The following CBR4 variants were observed in gnomAD, a reference collection of about 807,000 sequenced individuals.
The protein encoded by CBR4 is carbonyl reductase 4, also known as 3-oxoacyl-[acyl-carrier-protein] reductase.
In CBR4, 22 loss-of-function variants were observed where a neutral mutation model predicts 21.0. The observed-to-expected ratio is 1.05, with a 90% CI of 0.75 to 1.50. The LOEUF is 1.50. Among genes scored for constraint, CBR4 ranks in the 40% most tolerant of loss-of-function variants. CBR4 has a pLI of 0.00. For missense variants in CBR4, 302 were observed against 286.3 expected, an observed-to-expected ratio of 1.05 and a Z score of -0.40; for synonymous variants, 100 against 104.4, an observed-to-expected ratio of 0.96 and a Z score of 0.26.
Position 168,976,003 on chromosome 4 carries a change from A to G in CBR4, n.169+26068T>C, listed in dbSNP as rs116886604. ...CAAGCTGGGCTGAGATCTTGCCACA[A>G]GCTACAAGCCTTCCTGCTGAGAAAG... On this transcript the variant is annotated intron_variant and non_coding_transcript_variant, in intron 2 of 3. Coordinates refer to the CBR4 transcript ENST00000509108. Among the ~76,000 whole-genome samples, 18 of 152,282 alleles carry G rather than the reference A, an allele frequency of 1.2e-4. No individual in the cohort carries two copies. The East Asian group carries it at 2.9e-3, about 25-fold the overall frequency.
intron 2 of CBR4, among the ~76,000 whole-genome samples, chr4:168,968,952 A>G (rs1387676006): frequency 6.6e-6 from 1 of 152,198 alleles, no homozygotes; most frequent in Non-Finnish European, 1.5e-5. Flanking sequence ...AGGAAGTGGG[A>G]AAATGACCAC....
chr4:168,976,919 G>A (rs546734275), intron 2 of CBR4, among the ~76,000 whole-genome samples: 14 of 152,348 alleles, frequency 9.2e-5, no homozygotes, highest in Admixed American at 7.8e-4. Flanking sequence ...CAGGGGATAT[G>A]ATGGCTTAGC....
intron 2 of CBR4, chr4:168,896,590 T>A: frequency 6.6e-7 from 1 of 1,512,670 alleles, no homozygotes; most frequent in Non-Finnish European, 8.9e-7. Context: ...GTCCTCTGGA[T>A]GGTCAAAAGG....
In CBR4 at chr4:168,979,440, C is replaced by G. The variant is rs112185738; in HGVS notation, n.169+22631G>C. ...TGTCCATGTGCTACTCCTTACTACA[C>G]AGGGCCTCCTGGACTGGGCCCCCAG... On this transcript the variant is annotated intron_variant and non_coding_transcript_variant, in intron 2 of 3. Transcript: ENST00000509108. 9.7e-4 allele frequency among the ~76,000 whole-genome samples: 147 copies of G among 152,222 alleles called. 1 individual carries two copies. The highest frequency in any genetic ancestry group is 3.4e-3 in the African/African-American group (142 of 41,536).
At chr4:168,983,709 C>G (rs1384693495), downstream of CBR4, among the ~76,000 whole-genome samples, 1 of 152,020 alleles carries the variant, frequency 6.6e-6, no homozygotes, top group Non-Finnish European at 1.5e-5. Context: ...AGCTAATCCA[C>G]CATGATCAAG....
At chr4:168,984,664 C>A (rs753670803), downstream of CBR4, among the ~76,000 whole-genome samples, 2 of 152,130 alleles carry the variant, frequency 1.3e-5, no homozygotes, top group African/African-American at 2.4e-5. Flanking sequence ...TCAAAATATA[C>A]TAAAAGGCTA....
intron 2 of CBR4, among the ~76,000 whole-genome samples, chr4:168,906,514 G>A (rs1757828480): frequency 6.6e-6 from 1 of 152,110 alleles, no homozygotes; most frequent in South Asian, 2.1e-4. Context: ...CTAGATGAAG[G>A]TGAGCTGCTG....
At chr4:168,931,105 A>G (rs1376035964) in intron 2 of CBR4, among the ~76,000 whole-genome samples, 3 of 152,146 alleles carry the variant, frequency 2.0e-5, no homozygotes, top group Non-Finnish European at 4.4e-5. Flanking sequence ...ACAGCAGGAA[A>G]ACCAACCATC....
At chr4:168,921,527 G>T in intron 2 of CBR4, 1 of 1,567,596 alleles carries the variant, frequency 6.4e-7, no homozygotes, top group East Asian at 2.3e-5. Context: ...TTTCTTTTAT[G>T]ATTTAGGTCA....
intron 2 of CBR4, among the ~76,000 whole-genome samples, chr4:168,952,840 T>G (rs1024983815): frequency 1.3e-5 from 2 of 152,166 alleles, no homozygotes; most frequent in African/African-American, 4.8e-5. Flanking sequence ...AAATGGATTC[T>G]GTGAGGATTC....
chr4:168,898,424 G>A (rs958268984), intron 2 of CBR4: 9 of 958,356 alleles, frequency 9.4e-6, no homozygotes, highest in Non-Finnish European at 1.5e-5. Context: ...CCTTATTGGG[G>A]GGCAGGGAGA....
intron 2 of CBR4, among the ~76,000 whole-genome samples, chr4:168,920,880 A>G (rs997742958): frequency 4.6e-5 from 7 of 152,130 alleles, no homozygotes; most frequent in African/African-American, 1.7e-4. Flanking sequence ...AGTATTTGTT[A>G]TTATTGTTGG....
chr4:168,970,383 G>T (rs1352989330), intron 2 of CBR4, among the ~76,000 whole-genome samples: 1 of 151,990 alleles, frequency 6.6e-6, no homozygotes, highest in Non-Finnish European at 1.5e-5. Flanking sequence ...ATTTACCTTT[G>T]TGTATCATGT....
intron 2 of CBR4, among the ~76,000 whole-genome samples, chr4:168,965,009 C>G (rs1208919872): frequency 1.3e-5 from 2 of 152,100 alleles, no homozygotes. Flanking sequence ...TTTAGAAACC[C>G]CATCATCTCA....
chr4:168,902,397 C>G lies in CBR4; in HGVS notation n.170-7632G>C, dbSNP rs557363126. Reference sequence around the variant, plus strand: ...GGTGATGTAGCTATTAATTCAGCATCTCAGCCATGTTAGGGCTGTTGGCAC... The same window carrying G: ...GGTGATGTAGCTATTAATTCAGCATGTCAGCCATGTTAGGGCTGTTGGCAC... On this transcript the variant is annotated intron_variant and non_coding_transcript_variant, in intron 2 of 3. Coordinates refer to the CBR4 transcript ENST00000509108. Among the ~76,000 whole-genome samples the G allele has an allele frequency of 2.6e-5, 4 of 152,292 alleles. No individual in the cohort carries two copies. The South Asian group carries it at 8.3e-4, about 32-fold the overall frequency.
rs1372913731 is a variant in CBR4 at position 168,989,717 on chromosome 4, A to C, written c.*433T>G. ...TTCCACTTTTGAGACAAAATATATA[A>C]ATCAATACTTGTTTATATGACTTGC... On this transcript the variant is annotated 3_prime_UTR_variant, in exon 5 of 5. Coordinates refer to ENST00000306193, the MANE Select transcript of CBR4 (RefSeq NM_032783.5). The C allele has an allele frequency of 1.0e-6, 1 of 981,010 alleles. No homozygotes were observed. Among genetic ancestry groups the C allele is most frequent in the African/African-American group, 1.7e-5 (1 of 57,278 alleles). 60.8% of individuals were successfully genotyped at this position (981,010 alleles called of 1,614,324 possible).
At chr4:168,936,088 G>A (rs1763104205) in intron 2 of CBR4, among the ~76,000 whole-genome samples, 1 of 152,222 alleles carries the variant, frequency 6.6e-6, no homozygotes, top group Non-Finnish European at 1.5e-5. Flanking sequence ...GGAAAGAACA[G>A]GCAGCAATCT....
chr4:168,987,804 TCCC>T lies in CBR4; in HGVS notation c.*2343_*2345del, dbSNP rs1040860546. 3.1e-6 allele frequency: 3 copies of T among 981,636 alleles called. No homozygotes were observed. Among genetic ancestry groups the T allele is most frequent in the Admixed American group, 6.2e-5 (1 of 16,230 alleles). The allele number at this position is 981,636 out of a possible 1,614,324, so 60.8% of individuals were successfully genotyped here. On this transcript the variant is annotated 3_prime_UTR_variant, in exon 5 of 5. Transcript: ENST00000306193. The stretch of plus-strand genomic sequence containing the variant: ...TAAATTATCCTCTTTGCACAATTAT[TCCC>T]CCCAAAACTAATTTATAACATATAA...
chr4:168,970,674 G>C (rs1398509787), intron 2 of CBR4, among the ~76,000 whole-genome samples: 1 of 149,378 alleles, frequency 6.7e-6, no homozygotes, highest in African/African-American at 2.4e-5. Context: ...AGTCCATTAT[G>C]TCATTCCTAA....
Sources: gnomAD v4.1 joint callset for allele counts (sites outside exome capture counted in the v4.1 genomes callset) on GRCh38, gnomAD v4.1.1 for gene constraint, MANE v1.5 for transcripts, NCBI Gene and HGNC (gene_info 2026-07-23, HGNC 2026-07-21) for gene names.